C11orf98: variants seen among roughly 807,000 people sequenced by gnomAD.
C11orf98 encodes chromosome 11 open reading frame 98.
C11orf98 carries 7 observed loss-of-function variants against 10.9 expected under a neutral mutation model. The observed-to-expected ratio is 0.64, with a 90% CI of 0.37 to 1.21. The LOEUF (loss-of-function observed/expected upper bound fraction) is 1.21, where lower values mean the gene tolerates loss of function less well. C11orf98 is among the 50% of genes most tolerant of loss of function. The pLI, the probability that C11orf98 is intolerant of heterozygous loss-of-function variation, is 0.02. For missense variants in C11orf98, 181 were observed against 153.7 expected, an observed-to-expected ratio of 1.18 and a Z score of -0.94; for synonymous variants, 70 against 57.2, an observed-to-expected ratio of 1.22 and a Z score of -1.01.
intron 2 of C11orf98, 48 bp from the exon 3 acceptor site, chr11:62,663,381 T>C: frequency 1.3e-6 from 2 of 1,569,316 alleles, no homozygotes; most frequent in East Asian, 2.2e-5. Context: ...CTGAACCAAC[T>C]GAGGTCACAC....
chr11:62,665,056 C>A (rs1944757335), intron 1 of C11orf98, 75 bp downstream of exon 1: 2 of 1,575,200 alleles, frequency 1.3e-6, no homozygotes, highest in Non-Finnish European at 1.7e-6. Context: ...CGGCCCCTCA[C>A]TGATCCCATC....
chr11:62,665,098 G>A, intron 1 of C11orf98, 33 bp downstream of exon 1: 1 of 1,420,334 alleles, frequency 7.0e-7, no homozygotes, highest in Non-Finnish European at 9.6e-7. Context: ...AGGAACGCTT[G>A]AGGAAACAAA....
chr11:62,664,782 C>T, intron 2 of C11orf98, 67 bp downstream of exon 2: 1 of 1,533,560 alleles, frequency 6.5e-7, no homozygotes, highest in Non-Finnish European at 8.8e-7. Context: ...GAAGCTGCTC[C>T]GGAGCTCTGC....
In C11orf98 at chr11:62,664,326, CTT is replaced by C. The variant is rs35917869; in HGVS notation, c.164+521_164+522del. On this transcript the variant is annotated intron_variant, in intron 2 of 3. Transcript: ENST00000524958. ...GAGAGCCAACAGATTTCCTGATATT[CTT>C]TTTTTTTTTTTTTTTTTTTTGAGAC... Among the ~76,000 whole-genome samples, 468 of 77,456 alleles carry C rather than the reference CTT, an allele frequency of 6.0e-3. 3 individuals are homozygous for C. The highest frequency in any genetic ancestry group is 7.9e-3 in the Admixed American group (44 of 5,594). The allele number at this position is 77,456 out of a possible 152,430, so 50.8% of individuals were successfully genotyped here. A position where few individuals can be genotyped will look rare whatever the true frequency, so the allele number is the denominator to read the frequency against.
At position 62,663,318 on chromosome 11, in the gene C11orf98, G is replaced by C. The variant is rs747747898; in HGVS notation, c.180C>G (p.Ala60=). 3 of 1,614,066 alleles carry C rather than the reference G, an allele frequency of 1.9e-6. No individual in the cohort carries two copies. The East Asian group carries it at 6.7e-5, about 36-fold the overall frequency. ...HLKKRASSAR[A]NITLSGKKRR... is the part of the protein sequence containing the mutation. The stretch of plus-strand genomic sequence containing the variant: ...GCTTCTTCCCTGACAGTGTAATGTT[G>C]GCACGTGCACTGGACCTGATGGGTA... Residue 60 remains alanine, a synonymous_variant, in exon 3 of 4, where the codon GCC becomes GCG. Coordinates refer to ENST00000524958, the MANE Select transcript of C11orf98 (RefSeq NM_001286086.2).
rs761736692 is a variant in C11orf98, at chr11:62,663,222, T to C, written c.262+14A>G. On this transcript the variant is annotated intron_variant, in intron 3 of 3. Transcript: ENST00000524958. The stretch of plus-strand genomic sequence containing the variant: ...ATCCAGGATTCCCCTCACCCACCTC[T>C]GTCCCAGCCTCACCTTCCATGGCTG... 6.8e-6 allele frequency: 11 copies of C among 1,613,914 alleles called. No individual in the cohort carries two copies. The South Asian group carries it at 1.1e-4, about 16-fold the overall frequency.
intron 2 of C11orf98, 25 bp from the exon 3 acceptor site, chr11:62,663,358 G>C (rs575233378): frequency 2.5e-6 from 4 of 1,609,190 alleles, no homozygotes; most frequent in Non-Finnish European, 1.7e-6. Flanking sequence ...GAAATAAAGA[G>C]AGCTAGGTTA....
chr11:62,664,997 C>G (rs773275879), intron 1 of C11orf98, 24 bp from the exon 2 acceptor site: 177 of 1,607,448 alleles, frequency 1.1e-4, no homozygotes, highest in Non-Finnish European at 1.4e-4. Flanking sequence ...AGATGCGAAT[C>G]AGATGGAGTG....
intron 2 of C11orf98, among the ~76,000 whole-genome samples, chr11:62,663,667 C>T (rs907654064): frequency 2.1e-5 from 3 of 145,570 alleles, no homozygotes; most frequent in Non-Finnish European, 3.0e-5. Context: ...GCACTCCAGC[C>T]TGGGCGACAA....
intron 2 of C11orf98, among the ~76,000 whole-genome samples, chr11:62,664,082 G>GAAAAAAA (rs71056540): frequency 1.5e-5 from 1 of 65,946 alleles, no homozygotes. Context: ...CAAAAAAGAG[G>GAAAAAAA]AAAAAAAAAA....
At chr11:62,664,823 C>A in intron 2 of C11orf98, 26 bp downstream of exon 2, 1 of 1,554,208 alleles carries the variant, frequency 6.4e-7, no homozygotes. Context: ...TGGGGACGAC[C>A]AACAGGAAGA....
rs895250182 is a variant in C11orf98 at position 62,662,939 on chromosome 11, G to A, written c.*111C>T. The A allele has an allele frequency of 1.8e-5, 15 of 813,150 alleles. No homozygotes were observed. Among genetic ancestry groups the A allele is most frequent in the Non-Finnish European group, 2.9e-5 (15 of 520,822 alleles). 50.4% of individuals were successfully genotyped at this position (813,150 alleles called of 1,614,324 possible). A position where few individuals can be genotyped will look rare whatever the true frequency, so the allele number is the denominator to read the frequency against. ...CTAGGGGAGGTCAGTAGGCCATTAGGTAGGAGGAAATCTGGAGAGTGAAAA... is the reference window on the plus strand; with the variant it reads ...CTAGGGGAGGTCAGTAGGCCATTAGATAGGAGGAAATCTGGAGAGTGAAAA... On this transcript the variant is annotated 3_prime_UTR_variant, in exon 4 of 4. Coordinates refer to ENST00000524958, the MANE Select transcript of C11orf98 (RefSeq NM_001286086.2).
At position 62,664,910 on chromosome 11, in the gene C11orf98, G is replaced by A. The variant is rs775379917; in HGVS notation, c.103C>T (p.Arg35Trp). The A allele has an allele frequency of 1.2e-6, 2 of 1,600,608 alleles. No individual in the cohort carries two copies. The part of the protein sequence containing the change: ...VLNRERRLRH[R>W]VVGAVIDQGL... ...TGGTCTATCACAGCCCCGACCACCC[G>A]GTGCCTCAGACGCCGCTCCCGATTC... Residue 35 changes from arginine to tryptophan, a missense_variant, in exon 2 of 4, where the codon CGG becomes TGG. Coordinates refer to ENST00000524958, the MANE Select transcript of C11orf98 (RefSeq NM_001286086.2).
intron 2 of C11orf98, among the ~76,000 whole-genome samples, chr11:62,663,998 A>G (rs1944721688): frequency 6.8e-6 from 1 of 147,804 alleles, no homozygotes; most frequent in African/African-American, 2.5e-5. Context: ...GCTTAAACCC[A>G]GGAGGCAGGG....
chr11:62,664,828 G>A, intron 2 of C11orf98, 21 bp downstream of exon 2: 20 of 1,556,386 alleles, frequency 1.3e-5, no homozygotes, highest in Non-Finnish European at 1.7e-5. Flanking sequence ...ACGACCAACA[G>A]GAAGAGGGTC....
Position 62,663,056 on chromosome 11 carries a change from C to T in C11orf98, c.366G>A (p.Glu122=), listed in dbSNP as rs1381200972. Residue 122 remains glutamate, a synonymous_variant, in exon 4 of 4, where the codon GAG becomes GAA. Transcript: ENST00000524958. ...QDVEMKDLED[E]S Reference sequence around the variant, plus strand: ...ATCTTCTAGTGGAAGAGGTTTAGCTCTCATCTTCAAGGTCCTTCATTTCTA... The same window carrying T: ...ATCTTCTAGTGGAAGAGGTTTAGCTTTCATCTTCAAGGTCCTTCATTTCTA... 1 of 1,585,756 alleles carries T rather than the reference C, an allele frequency of 6.3e-7. No individual in the cohort carries two copies. The highest frequency in any genetic ancestry group is 8.6e-7 in the Non-Finnish European group (1 of 1,156,470).
At position 62,665,132 on chromosome 11, in the gene C11orf98, G is replaced by A. The variant is rs953443621; in HGVS notation, c.38C>T (p.Thr13Met). 7.4e-6 allele frequency: 8 copies of A among 1,087,244 alleles called. No homozygotes were observed. Among genetic ancestry groups the A allele is most frequent in the African/African-American group, 4.7e-5 (3 of 64,276 alleles). The allele number at this position is 1,087,244 out of a possible 1,614,324, so 67.3% of individuals were successfully genotyped here. A position where few individuals can be genotyped will look rare whatever the true frequency, so the allele number is the denominator to read the frequency against. ...AAGTCGCGGCCCCCACACAGTCACCGTTCGGGGCCGGTTGATCTTTCCCCC... is the reference window on the plus strand; with the variant it reads ...AAGTCGCGGCCCCCACACAGTCACCATTCGGGGCCGGTTGATCTTTCCCCC... ...APGGKINRPR[T>M]ELKKKLFKRR... The change falls in exon 1 of 4, where the codon ACG (threonine) becomes ATG (methionine). Residue 13 changes from threonine (T) to methionine (M), a missense_variant and splice_region_variant. Thr to Met is a moderately conservative substitution (Grantham distance 81). Coordinates refer to ENST00000524958, the MANE Select transcript of C11orf98 (RefSeq NM_001286086.2).
Position 62,664,114 on chromosome 11 carries a change from A to G in C11orf98, c.164+735T>C, listed in dbSNP as rs190551754. Reference sequence around the variant, plus strand: ...AAAAAAAAAAAAAAAAAGGACACAGAAAGTAATTAATGGGATGGGAACTCT... The same window carrying G: ...AAAAAAAAAAAAAAAAAGGACACAGGAAGTAATTAATGGGATGGGAACTCT... On this transcript the variant is annotated intron_variant, in intron 2 of 3. Transcript: ENST00000524958. 2.9e-3 allele frequency among the ~76,000 whole-genome samples: 432 copies of G among 150,874 alleles called. 2 individuals carry two copies. The highest frequency in any genetic ancestry group is 0.01 in the African/African-American group (420 of 41,206).
Position 62,662,820 on chromosome 11 carries a change from G to T in C11orf98, c.*230C>A. 1.9e-6 allele frequency: 1 copy of T among 519,876 alleles called. No homozygotes were observed. The highest frequency in any genetic ancestry group is 2.0e-5 in the African/African-American group (1 of 50,922). 32.2% of individuals were successfully genotyped at this position (519,876 alleles called of 1,614,324 possible). ...CCTACATTTAATCACACACATCTCAGAGTGCTAGGGCTTTATTACAAATGG... is the reference window on the plus strand; with the variant it reads ...CCTACATTTAATCACACACATCTCATAGTGCTAGGGCTTTATTACAAATGG... On this transcript the variant is annotated 3_prime_UTR_variant, in exon 4 of 4. Coordinates refer to ENST00000524958, the MANE Select transcript of C11orf98 (RefSeq NM_001286086.2).
Sources: gnomAD v4.1 joint callset for allele counts (sites outside exome capture counted in the v4.1 genomes callset) on GRCh38, gnomAD v4.1.1 for gene constraint, MANE v1.5 for transcripts, NCBI Gene and HGNC (gene_info 2026-07-23, HGNC 2026-07-21) for gene names.